AGPAT5: variants seen among roughly 807,000 people sequenced by gnomAD.
AGPAT5 encodes the protein 1-acylglycerol-3-phosphate O-acyltransferase 5.
AGPAT5 carries 46 observed loss-of-function variants against 45.6 expected under a neutral mutation model. The ratio of observed to expected loss-of-function variants is 1.01; its 90% confidence interval spans 0.80 to 1.29. The LOEUF (loss-of-function observed/expected upper bound fraction) is 1.29, where lower values mean the gene tolerates loss of function less well. Among genes scored for constraint, AGPAT5 ranks in the 50% most tolerant of loss-of-function variants. The pLI, the probability that AGPAT5 is intolerant of heterozygous loss-of-function variation, is 0.00. For missense variants in AGPAT5, 673 were observed against 450.7 expected, an observed-to-expected ratio of 1.49 and a Z score of -4.47; for synonymous variants, 272 against 167.0, an observed-to-expected ratio of 1.63 and a Z score of -4.85.
intron 4 of AGPAT5, among the ~76,000 whole-genome samples, chr8:6,734,274 T>A (rs28440106): frequency 0.035 from 5,383 of 152,140 alleles, 313 homozygotes; most frequent in African/African-American, 0.12. Flanking sequence ...TTTTAATTTT[T>A]TTTTTTACGC....
intron 6 of AGPAT5, among the ~76,000 whole-genome samples, chr8:6,753,573 C>A (rs1217647569): frequency 6.6e-6 from 1 of 152,110 alleles, no homozygotes; most frequent in Non-Finnish European, 1.5e-5. Flanking sequence ...ATTATCCCTA[C>A]TTTATAGACT....
chr8:6,745,818 C>G (rs1318337553), intron 5 of AGPAT5: 1 of 152,004 alleles, frequency 6.6e-6, no homozygotes, highest in African/African-American at 2.4e-5. Flanking sequence ...GTTATCCATT[C>G]CCATGGTTTC....
At chr8:6,717,817 G>C (rs1283459756) in intron 1 of AGPAT5, among the ~76,000 whole-genome samples, 1 of 151,966 alleles carries the variant, frequency 6.6e-6, no homozygotes, top group Admixed American at 6.5e-5. Context: ...TTCCGTAGTT[G>C]ATATTCAAAG....
intron 1 of AGPAT5, among the ~76,000 whole-genome samples, chr8:6,723,333 G>A (rs1270217705): frequency 6.6e-6 from 1 of 152,148 alleles, no homozygotes; most frequent in Non-Finnish European, 1.5e-5. Context: ...GGGCAGGTGC[G>A]CACCACCATG....
intron 6 of AGPAT5, among the ~76,000 whole-genome samples, chr8:6,754,533 G>A (rs1484087545): frequency 6.6e-6 from 1 of 152,148 alleles, no homozygotes; most frequent in East Asian, 1.9e-4. Context: ...TCAGGCGCCT[G>A]TGAGTGCCCA....
At chr8:6,749,801 A>G (rs1801599743) in intron 6 of AGPAT5, among the ~76,000 whole-genome samples, 1 of 152,202 alleles carries the variant, frequency 6.6e-6, no homozygotes, top group African/African-American at 2.4e-5. Flanking sequence ...TCCCCATAAT[A>G]ACCTTGTTTA....
At chr8:6,717,053 C>T (rs1293574431) in intron 1 of AGPAT5, among the ~76,000 whole-genome samples, 1 of 152,178 alleles carries the variant, frequency 6.6e-6, no homozygotes, top group African/African-American at 2.4e-5. Context: ...AGAAACATGA[C>T]TCCACCCTCA....
intron 1 of AGPAT5, chr8:6,709,426 A>T (rs1800065078): frequency 6.4e-6 from 1 of 156,204 alleles, no homozygotes; most frequent in African/African-American, 2.4e-5. Flanking sequence ...CTGGGCTTGA[A>T]TGTGTGGGTG....
chr8:6,734,004 C>T (rs780918230), intron 4 of AGPAT5, among the ~76,000 whole-genome samples: 1 of 152,124 alleles, frequency 6.6e-6, no homozygotes. Flanking sequence ...TGGCTGCCTT[C>T]GTGAGTTTCT....
intron 1 of AGPAT5, among the ~76,000 whole-genome samples, chr8:6,721,158 C>T (rs1284845010): frequency 6.6e-6 from 1 of 152,122 alleles, no homozygotes; most frequent in African/African-American, 2.4e-5. Context: ...TTCAATGAAA[C>T]GTTTTAAACG....
At chr8:6,739,538 A>G (rs1251688031) in intron 4 of AGPAT5, among the ~76,000 whole-genome samples, 1 of 152,086 alleles carries the variant, frequency 6.6e-6, no homozygotes, top group African/African-American at 2.4e-5. Context: ...TTTTGATACT[A>G]TTGTAGATGA....
At position 6,761,474 on chromosome 8, in the gene AGPAT5, A is replaced by C. The variant is rs1802042195; in HGVS notation, c.*4086A>C. ...GAGATTATTGGTGCCTCATTAATTC[A>C]GCAATAAAGGAAAATATGCATCTCA... On this transcript the variant is annotated 3_prime_UTR_variant, in exon 8 of 8. Coordinates refer to ENST00000285518, the MANE Select transcript of AGPAT5 (RefSeq NM_018361.5). Among the ~76,000 whole-genome samples, 1 of 152,236 alleles carries C rather than the reference A, an allele frequency of 6.6e-6. No homozygotes were observed. Among genetic ancestry groups the C allele is most frequent in the Non-Finnish European group, 1.5e-5 (1 of 68,044 alleles).
At position 6,755,206 on chromosome 8, in the gene AGPAT5, C is replaced by T. The variant is rs371758285; in HGVS notation, c.869+32C>T. ...AACAACAGTTCCAGCACTTCCGGAA[C>T]TTCGGTTCAACTAGATTTCAGTATA... On this transcript the variant is annotated intron_variant, in intron 7 of 7. Coordinates refer to ENST00000285518, the MANE Select transcript of AGPAT5 (RefSeq NM_018361.5). 582 of 1,583,878 alleles carry T rather than the reference C, an allele frequency of 3.7e-4. 1 individual carries two copies. Among genetic ancestry groups the T allele is most frequent in the Middle Eastern group, 5.0e-4 (3 of 6,012 alleles).
At chr8:6,730,871 A>ATTTT (rs59149072) in intron 3 of AGPAT5, 45 bp downstream of exon 3, 366 of 935,392 alleles carry the variant, frequency 3.9e-4, no homozygotes, top group South Asian at 9.9e-4. Context: ...TAGTTTATAA[A>ATTTT]TTTTTTTTTT....
intron 6 of AGPAT5, among the ~76,000 whole-genome samples, chr8:6,754,778 A>G (rs1206893449): frequency 1.3e-5 from 2 of 152,196 alleles, no homozygotes; most frequent in South Asian, 2.1e-4. Flanking sequence ...TGTCACATGA[A>G]AAATAACATT....
At position 6,759,361 on chromosome 8, in the gene AGPAT5, C is replaced by G. The variant is rs1345188049; in HGVS notation, c.*1973C>G. 2.6e-5 allele frequency: 4 copies of G among 152,236 alleles called. No individual in the cohort carries two copies. Among genetic ancestry groups the G allele is most frequent in the East Asian group, 1.9e-4 (1 of 5,186 alleles). The allele number at this position is 152,236 out of a possible 1,614,324, so 9.4% of individuals were successfully genotyped here. Reference sequence around the variant, plus strand: ...TCATAGAACTATACTAATCTTCTCACAAAAGGTCTATAAAATACAGTCGTT... The same window carrying G: ...TCATAGAACTATACTAATCTTCTCAGAAAAGGTCTATAAAATACAGTCGTT... On this transcript the variant is annotated 3_prime_UTR_variant, in exon 8 of 8. Transcript: ENST00000285518.
intron 5 of AGPAT5, chr8:6,745,687 T>A (rs1009030910): frequency 3.9e-5 from 6 of 152,088 alleles, no homozygotes; most frequent in African/African-American, 1.4e-4. Context: ...ATTTCCTGGG[T>A]TGTCGTATTC....
intron 6 of AGPAT5, among the ~76,000 whole-genome samples, chr8:6,749,431 G>A (rs1406599846): frequency 6.6e-6 from 1 of 152,214 alleles, no homozygotes; most frequent in Admixed American, 6.5e-5. Flanking sequence ...CATTTTAGAT[G>A]TAAATGTTTA....
rs1802022107 is a variant in AGPAT5, at chr8:6,760,981, T to G, written c.*3593T>G. ...TAGCTACAACTCTTCGATACTATCA[T>G]CAATATTTGACATCTTTTCCAATTT... On this transcript the variant is annotated 3_prime_UTR_variant, in exon 8 of 8. Coordinates refer to ENST00000285518, the MANE Select transcript of AGPAT5 (RefSeq NM_018361.5). Among the ~76,000 whole-genome samples, 1 of 152,222 alleles carries G rather than the reference T, an allele frequency of 6.6e-6. No homozygotes were observed. Among genetic ancestry groups the G allele is most frequent in the Non-Finnish European group, 1.5e-5 (1 of 68,034 alleles).
Sources: gnomAD v4.1 joint callset for allele counts (sites outside exome capture counted in the v4.1 genomes callset) on GRCh38, gnomAD v4.1.1 for gene constraint, MANE v1.5 for transcripts, NCBI Gene and HGNC (gene_info 2026-07-23, HGNC 2026-07-21) for gene names.